The following DENND1A variants were observed in gnomAD, a reference collection of about 807,000 sequenced individuals.
The protein encoded by DENND1A is DENN domain-containing protein 1A.
DENND1A carries 51 observed loss-of-function variants against 113.7 expected under a neutral mutation model. The observed-to-expected ratio is 0.45, with a 90% CI of 0.36 to 0.57. The LOEUF is 0.57. Ranked by LOEUF, DENND1A falls within the 20% of genes least tolerant of loss-of-function variation. DENND1A has a pLI of 0.00. For missense variants in DENND1A, 1,258 were observed against 1,395.9 expected (o/e 0.90, Z 1.57); for synonymous variants, 565 against 570.8 (o/e 0.99, Z 0.14).
chr9:123,748,565 T>G (rs899063517), intron 5 of DENND1A, among the ~76,000 whole-genome samples: 3 of 152,210 alleles, frequency 2.0e-5, no homozygotes, highest in Non-Finnish European at 4.4e-5. Context: ...GCCAGACAAC[T>G]TAAATTCAGA....
At chr9:123,892,849 G>A (rs575489505) in intron 1 of DENND1A, among the ~76,000 whole-genome samples, 83 of 152,274 alleles carry the variant, frequency 5.5e-4, no homozygotes, top group African/African-American at 1.6e-3. Flanking sequence ...GGGTGTGGTC[G>A]TGGGCACCTG....
At chr9:123,514,545 G>A (rs1030707698) in intron 13 of DENND1A, among the ~76,000 whole-genome samples, 2 of 152,124 alleles carry the variant, frequency 1.3e-5, no homozygotes, top group African/African-American at 4.8e-5. Context: ...ATGGAGGCAG[G>A]GGCAGCGACA....
intron 11 of DENND1A, among the ~76,000 whole-genome samples, chr9:123,592,351 A>G (rs917901061): frequency 6.6e-6 from 1 of 152,214 alleles, no homozygotes. Context: ...GTCTCATATA[A>G]AAGTGCATTC....
chr9:123,780,186 C>G (rs1055328166), intron 3 of DENND1A, among the ~76,000 whole-genome samples: 2 of 152,162 alleles, frequency 1.3e-5, no homozygotes, highest in African/African-American at 2.4e-5. Flanking sequence ...CCGTCCACCC[C>G]ACATGTTCCG....
chr9:123,759,412 C>T (rs1259513992), intron 4 of DENND1A: 2 of 152,126 alleles, frequency 1.3e-5, no homozygotes, highest in Admixed American at 6.6e-5. Flanking sequence ...GGAAGAAGTA[C>T]TATTGTTGTT....
At chr9:123,555,656 T>C (rs1239559113) in intron 13 of DENND1A, among the ~76,000 whole-genome samples, 1 of 152,244 alleles carries the variant, frequency 6.6e-6, no homozygotes, top group Non-Finnish European at 1.5e-5. Context: ...ATGAAGAAAC[T>C]GAAGTTTAAA....
intron 5 of DENND1A, among the ~76,000 whole-genome samples, chr9:123,699,588 A>C (rs1239945496): frequency 6.6e-6 from 1 of 152,040 alleles, no homozygotes; most frequent in African/African-American, 2.4e-5. Flanking sequence ...CTGTATTGGA[A>C]AAAGTGATTT....
At chr9:123,540,909 C>T (rs775370750) in intron 13 of DENND1A, among the ~76,000 whole-genome samples, 35 of 152,114 alleles carry the variant, frequency 2.3e-4, no homozygotes, top group African/African-American at 8.0e-4. Context: ...GTGGAAAAAC[C>T]GTGAGTTCTA....
At chr9:123,825,442 A>C (rs565086274) in intron 2 of DENND1A, among the ~76,000 whole-genome samples, 1 of 152,308 alleles carries the variant, frequency 6.6e-6, no homozygotes, top group South Asian at 2.1e-4. Context: ...TGTCAACAGA[A>C]AATTTTCAAA....
intron 2 of DENND1A, among the ~76,000 whole-genome samples, chr9:123,831,875 C>T (rs910640159): frequency 3.2e-4 from 48 of 152,048 alleles, no homozygotes; most frequent in African/African-American, 9.6e-4. Context: ...CCCAGCTACT[C>T]GGGAGGCTGA....
chr9:123,424,257 T>A (rs2045542826), intron 19 of DENND1A, among the ~76,000 whole-genome samples: 1 of 152,186 alleles, frequency 6.6e-6, no homozygotes, highest in African/African-American at 2.4e-5. Context: ...GGGACATCCC[T>A]TCCTCACGGA....
intron 19 of DENND1A, among the ~76,000 whole-genome samples, chr9:123,432,069 C>T (rs945775287): frequency 1.6e-4 from 24 of 152,186 alleles, no homozygotes; most frequent in Non-Finnish European, 8.8e-5. Flanking sequence ...CTGGCCTCAC[C>T]GTGGAGCTCT....
chr9:123,482,676 C>T (rs16926527), intron 13 of DENND1A, among the ~76,000 whole-genome samples: 1 of 152,196 alleles, frequency 6.6e-6, no homozygotes, highest in Non-Finnish European at 1.5e-5. Flanking sequence ...ACAATTACCC[C>T]CTGGGACAAT....
rs915539329 is a variant in DENND1A at position 123,509,693 on chromosome 9, C to G, written c.993+47877G>C. On this transcript the variant is annotated intron_variant, in intron 13 of 23. Coordinates refer to ENST00000394215, the MANE Select transcript of DENND1A (RefSeq NM_001352964.2). The stretch of plus-strand genomic sequence containing the variant: ...GCTTTCCAATTCTCCAGCTCCAGGC[C>G]AGACTTTCCTCCTGAACTGCAAGAC... Among the ~76,000 whole-genome samples the G allele has an allele frequency of 2.0e-5, 3 of 152,314 alleles. No homozygotes were observed. The East Asian group carries it at 5.8e-4, about 29-fold the overall frequency.
intron 13 of DENND1A, among the ~76,000 whole-genome samples, chr9:123,538,989 G>C (rs1177961753): frequency 2.6e-5 from 4 of 151,482 alleles, no homozygotes; most frequent in African/African-American, 9.7e-5. Flanking sequence ...TGGCTTGTAT[G>C]AACGCTAACA....
intron 4 of DENND1A, among the ~76,000 whole-genome samples, chr9:123,760,593 A>G (rs2070954993): frequency 6.6e-6 from 1 of 152,240 alleles, no homozygotes; most frequent in Non-Finnish European, 1.5e-5. Flanking sequence ...ACATTTCTAT[A>G]AAAGTTATAG....
chr9:123,910,028 T>C (rs1428730535), intron 1 of DENND1A, among the ~76,000 whole-genome samples: 1 of 152,022 alleles, frequency 6.6e-6, no homozygotes, highest in Non-Finnish European at 1.5e-5. Context: ...GAAAAAAAAT[T>C]GAAGATATGT....
intron 3 of DENND1A, among the ~76,000 whole-genome samples, chr9:123,789,013 A>G (rs1832605047): frequency 6.6e-6 from 1 of 151,972 alleles, no homozygotes; most frequent in African/African-American, 2.4e-5. Flanking sequence ...ATTAAACAAA[A>G]GCAGATGAAT....
intron 13 of DENND1A, among the ~76,000 whole-genome samples, chr9:123,472,636 C>A (rs984827855): frequency 1.3e-5 from 2 of 152,156 alleles, no homozygotes; most frequent in Non-Finnish European, 2.9e-5. Flanking sequence ...TCACTCAGGG[C>A]CCCTTGTCCC....
Sources: gnomAD v4.1 joint callset for allele counts (sites outside exome capture counted in the v4.1 genomes callset) on GRCh38, gnomAD v4.1.1 for gene constraint, MANE v1.5 for transcripts, NCBI Gene and HGNC (gene_info 2026-07-23, HGNC 2026-07-21) for gene names.